MYO15B: variants seen among roughly 807,000 people sequenced by gnomAD.
MYO15B encodes myosin XVB pseudogene.
Under a neutral mutation model 119.3 loss-of-function variants are expected in MYO15B, and 207 were observed. The ratio of observed to expected loss-of-function variants is 1.73; its 90% CI spans 1.55 to 1.95. MYO15B has a LOEUF of 1.95. Ranked by LOEUF, MYO15B falls within the 30% of genes most tolerant of loss-of-function variation. MYO15B has a pLI of 0.00. For missense variants in MYO15B, 2,264 were observed against 1,203.1 expected, an observed-to-expected ratio of 1.88 and a Z score of -13.04; for synonymous variants, 966 against 498.9, an observed-to-expected ratio of 1.94 and a Z score of -12.48.
intron 7 of MYO15B, 55 bp from the exon 8 acceptor site, chr17:75,592,373 G>A (rs1254167808): frequency 1.4e-6 from 1 of 696,040 alleles, no homozygotes; most frequent in Non-Finnish European, 2.6e-6. Context: ...CACTGTCGGG[G>A]TGTGGCCTCT....
Position 75,621,993 on chromosome 17 carries a change from C to T in MYO15B, c.8006-11C>T, listed in dbSNP as rs996897705. Reference sequence around the variant, plus strand: ...CCCAGCTATGTGCCCTGTTTCTTATCGTGCCTGCAGCCCTGATGCGGTTTA... The same window carrying T: ...CCCAGCTATGTGCCCTGTTTCTTATTGTGCCTGCAGCCCTGATGCGGTTTA... On this transcript the variant is annotated splice_polypyrimidine_tract_variant and intron_variant, in intron 52 of 63. Transcript: ENST00000645453. The T allele has an allele frequency of 4.8e-5, 34 of 702,926 alleles. No homozygotes were observed. The East Asian group carries it at 8.3e-4, about 17-fold the overall frequency. The allele number at this position is 702,926 out of a possible 1,614,324, so 43.5% of individuals were successfully genotyped here. A position where few individuals can be genotyped will look rare whatever the true frequency, so the allele number is the denominator to read the frequency against.
rs1459491246 is a variant in MYO15B, at chr17:75,589,431, G to C, written c.1374G>C (p.Glu458Asp). The C allele has an allele frequency of 2.5e-6, 1 of 395,122 alleles. No homozygotes were observed. The highest frequency in any genetic ancestry group is 1.2e-4 in the South Asian group (1 of 8,004). The allele number at this position is 395,122 out of a possible 1,614,324, so 24.5% of individuals were successfully genotyped here. Residue 458 changes from glutamate to aspartate, a missense_variant, in exon 1 of 64, where the codon GAG becomes GAC. Physicochemically the swap from Glu to Asp is conservative, Grantham distance 45 (BLOSUM62 2). Coordinates refer to ENST00000645453, the Ensembl canonical transcript of MYO15B. The surrounding 1 kb of genome is among the most constrained non-coding windows in gnomAD (Gnocchi z 4.2). ...GGCGGGGCCACGAGCGAGGGTACGAGGGGCGGGGCTGCGGGAAAGCGGACG... is the reference window on the plus strand; with the variant it reads ...GGCGGGGCCACGAGCGAGGGTACGACGGGCGGGGCTGCGGGAAAGCGGACG...
intron 25 of MYO15B, among the ~76,000 whole-genome samples, chr17:75,612,307 G>A (rs557146648): frequency 6.6e-6 from 1 of 152,306 alleles, no homozygotes; most frequent in East Asian, 1.9e-4. Flanking sequence ...TTGAAGTCAT[G>A]ACCTTAAAGA....
At chr17:75,625,796 C>T in intron 61 of MYO15B, 48 bp from the exon 62 acceptor site, 2 of 701,392 alleles carry the variant, frequency 2.9e-6, no homozygotes, top group Non-Finnish European at 5.2e-6. Context: ...GAGCAGGTTC[C>T]AGGGCCCCAG....
intron 49 of MYO15B, 148 bp downstream of exon 49, chr17:75,620,784 C>A (rs11470): frequency 0.3 from 213,772 of 701,334 alleles, 33,931 homozygotes; most frequent in Middle Eastern, 0.38. Flanking sequence ...CTCCTGATGG[C>A]TCGCCTTGTC....
rs2147682719 is a variant in MYO15B at position 75,589,884 on chromosome 17, A to T, written c.1827A>T (p.Ala609=). The T allele has an allele frequency of 2.5e-6, 1 of 398,508 alleles. No homozygotes were observed. The highest frequency in any genetic ancestry group is 1.3e-4 in the South Asian group (1 of 7,866). 24.7% of individuals were successfully genotyped at this position (398,508 alleles called of 1,614,324 possible). Residue 609 remains alanine (A), a synonymous_variant, in exon 1 of 64, where the codon GCA becomes GCT. Coordinates refer to ENST00000645453, the Ensembl canonical transcript of MYO15B. The surrounding 1 kb of genome is among the most constrained non-coding windows in gnomAD (Gnocchi z 4.2). ...GCGGCTCCCTCCTTGCCCCGACTGC[A>T]CCCGACGGGCCTTCCCTCGACGAGA...
intron 29 of MYO15B, 129 bp downstream of exon 29, chr17:75,613,906 G>A (rs2058192768): frequency 1.7e-6 from 1 of 605,306 alleles, no homozygotes. Flanking sequence ...CCAGACTGCA[G>A]ATGGCGATGG....
exon 12 of MYO15B, chr17:75,594,884 T>C (rs1177786341): frequency 1.4e-6 from 1 of 703,026 alleles, no homozygotes; most frequent in Non-Finnish European, 2.6e-6. Flanking sequence ...TTCCACCGGC[T>C]TCTGAGGAGA....
chr17:75,600,809 A>G (rs1430338406), intron 14 of MYO15B: 1 of 150,690 alleles, frequency 6.6e-6, no homozygotes, highest in Non-Finnish European at 1.5e-5. Flanking sequence ...GCTGGTCTTG[A>G]ACTCCTGACC....
chr17:75,589,670 C>T lies in MYO15B; in HGVS notation c.1613C>T (p.Thr538Ile). Residue 538 changes from threonine (T) to isoleucine (I), a missense_variant, in exon 1 of 64, where the codon ACT (threonine) becomes ATT (isoleucine). Coordinates refer to ENST00000645453, the Ensembl canonical transcript of MYO15B. This position sits in a 1 kb window ranked among gnomAD's most constrained non-coding sequence, Gnocchi z 4.2. ...GACCCTTTTGATCAGGAGGACGAGA[C>T]TCCAGATCCCAAGTTCGCGGTCGTG... The T allele has an allele frequency of 5.0e-6, 2 of 398,934 alleles. No homozygotes were observed. Among genetic ancestry groups the T allele is most frequent in the Non-Finnish European group, 8.8e-6 (2 of 226,038 alleles). 24.7% of individuals were successfully genotyped at this position (398,934 alleles called of 1,614,324 possible).
exon 1 of MYO15B, chr17:75,590,045 G>A (rs2056336197): frequency 2.5e-6 from 1 of 399,022 alleles, no homozygotes; most frequent in Non-Finnish European, 4.4e-6. Flanking sequence ...TTGGAGACCC[G>A]CCTGCAGCAG....
rs1303155942 is a variant in MYO15B, at chr17:75,589,849, G to A, written c.1792G>A (p.Gly598Arg). The change falls in exon 1 of 64, where the codon GGG (glycine) becomes AGG (arginine). Residue 598 changes from glycine (G) to arginine (R), a missense_variant. Physicochemically the swap from Gly to Arg is moderately radical, Grantham distance 125. Transcript: ENST00000645453. This position sits in a 1 kb window ranked among gnomAD's most constrained non-coding sequence, Gnocchi z 4.2. ...CAGGACGAGTGGGGAAGGGGTGTCC[G>A]GGCTTCGTCGCGGCTCCCTCCTTGC... 2 of 398,376 alleles carry A rather than the reference G, an allele frequency of 5.0e-6. No individual in the cohort carries two copies. The highest frequency in any genetic ancestry group is 8.9e-6 in the Non-Finnish European group (2 of 225,942). The allele number at this position is 398,376 out of a possible 1,614,324, so 24.7% of individuals were successfully genotyped here.
rs2058204710 is a variant in MYO15B, at chr17:75,614,072, G to A, written c.5220-127G>A. 5 of 623,146 alleles carry A rather than the reference G, an allele frequency of 8.0e-6. No individual in the cohort carries two copies. The East Asian group carries it at 8.2e-5, about 10-fold the overall frequency. 38.6% of individuals were successfully genotyped at this position (623,146 alleles called of 1,614,324 possible). On this transcript the variant is annotated intron_variant, in intron 29 of 63. Transcript: ENST00000645453. ...CAGCCCCCACTGCTGAGCAAACCTG[G>A]GTCCCGGACCAGGCGGATCCAGGGC...
At position 75,610,245 on chromosome 17, in the gene MYO15B, C is replaced by T. The variant is rs368492432; in HGVS notation, c.4372C>T (p.Arg1458Trp). 8.3e-5 allele frequency: 58 copies of T among 700,120 alleles called. 1 individual carries two copies. Among genetic ancestry groups the T allele is most frequent in the African/African-American group, 4.2e-4 (24 of 57,168 alleles). 43.4% of individuals were successfully genotyped at this position (700,120 alleles called of 1,614,324 possible). A position where few individuals can be genotyped will look rare whatever the true frequency, so the allele number is the denominator to read the frequency against. Residue 1458 changes from arginine (R) to tryptophan (W), a missense_variant, in exon 22 of 64, where the codon CGG becomes TGG. Physicochemically the swap from Arg to Trp is moderately radical, Grantham distance 101. Coordinates refer to ENST00000645453, the Ensembl canonical transcript of MYO15B. ...GGTGGCCCAGCCCCTGCTCCAGAGG[C>T]GGCAGAGACTGCAGGTGCAGGGGCT...
intron 21 of MYO15B, among the ~76,000 whole-genome samples, chr17:75,606,703 C>T (rs1160718754): frequency 6.6e-6 from 1 of 150,982 alleles, no homozygotes; most frequent in East Asian, 2.0e-4. Flanking sequence ...GAACTCCCGA[C>T]CTCAGGTGAT....
chr17:75,592,689 G>C (rs2056556088), exon 9 of MYO15B: 1 of 701,068 alleles, frequency 1.4e-6, no homozygotes, highest in South Asian at 1.5e-5. Flanking sequence ...GGCCAGGCCT[G>C]CAGGCTGCAA....
At position 75,620,176 on chromosome 17, in the gene MYO15B, C is replaced by T. The variant is rs1598908501; in HGVS notation, c.7444-70C>T. 4 of 698,812 alleles carry T rather than the reference C, an allele frequency of 5.7e-6. No individual in the cohort carries two copies. The African/African-American group carries it at 7.0e-5, about 12-fold the overall frequency. 43.3% of individuals were successfully genotyped at this position (698,812 alleles called of 1,614,324 possible). ...TGGAGGGGCAGGCCAGCAGGGGGAG[C>T]AGGTGGGCAGGCAGGACAGGGAGGC... On this transcript the variant is annotated intron_variant, in intron 47 of 63. Transcript: ENST00000645453.
intron 6 of MYO15B, 64 bp downstream of exon 6, chr17:75,592,144 T>C (rs2056507141): frequency 1.4e-6 from 1 of 701,456 alleles, no homozygotes; most frequent in Admixed American, 2.0e-5. Context: ...TTGGGCTGCT[T>C]CCCTGGGGTC....
rs969081464 is a variant in MYO15B, at chr17:75,620,389, G to A, written c.7555+32G>A. 4.0e-5 allele frequency: 28 copies of A among 702,766 alleles called. No individual in the cohort carries two copies. The Admixed American group carries it at 5.6e-4, about 14-fold the overall frequency. The allele number at this position is 702,766 out of a possible 1,614,324, so 43.5% of individuals were successfully genotyped here. On this transcript the variant is annotated intron_variant, in intron 48 of 63. Coordinates refer to ENST00000645453, the Ensembl canonical transcript of MYO15B. ...CCAGAGGCCGGCAGGGGCTCACACAGGGAGGGCATCCACTTGGCAGAGGCT... is the reference window on the plus strand; with the variant it reads ...CCAGAGGCCGGCAGGGGCTCACACAAGGAGGGCATCCACTTGGCAGAGGCT...
Sources: allele counts gnomAD v4.1 joint callset (sites outside exome capture counted in the v4.1 genomes callset), GRCh38; gene constraint gnomAD v4.1.1; non-coding constraint Gnocchi (gnomAD v3.1); transcripts MANE v1.5; gene names NCBI Gene and HGNC (gene_info 2026-07-23, HGNC 2026-07-21).